The following CPNE2 variants were observed in gnomAD, a reference collection of about 807,000 sequenced individuals.
CPNE2 encodes the protein copine 2.
A neutral mutation model predicts 69.7 loss-of-function variants in CPNE2; 42 were observed. The ratio of observed to expected loss-of-function variants is 0.60; its 90% CI spans 0.47 to 0.78. CPNE2 has a LOEUF of 0.78. CPNE2 is among the 30% of genes least tolerant of loss of function. The pLI, the probability that CPNE2 is intolerant of heterozygous loss-of-function variation, is 0.00. For missense variants in CPNE2, 587 were observed against 732.0 expected (o/e 0.80, Z 2.29); for synonymous variants, 294 against 289.8 (o/e 1.01, Z -0.15).
At chr16:57,106,400 G>A (rs754407119) in intron 1 of CPNE2, among the ~76,000 whole-genome samples, 45 of 152,332 alleles carry the variant, frequency 3.0e-4, no homozygotes, top group Non-Finnish European at 5.3e-4. Flanking sequence ...AGTAACCAAG[G>A]CAAGATAATG....
intron 10 of CPNE2, chr16:57,123,712 G>T: frequency 3.7e-6 from 2 of 546,518 alleles, no homozygotes; most frequent in South Asian, 5.1e-5. Flanking sequence ...TTTCAGTCTG[G>T]TGGCTACACT....
At chr16:57,137,414 T>C (rs2069890838) in intron 14 of CPNE2, 132 bp downstream of exon 14, 2 of 1,207,118 alleles carry the variant, frequency 1.7e-6, no homozygotes, top group African/African-American at 3.0e-5. Flanking sequence ...CCTTCACGTA[T>C]TGTAAAAGTT....
intron 1 of CPNE2, 81 bp from the exon 2 acceptor site, chr16:57,110,627 G>A (rs1410675918): frequency 8.8e-6 from 8 of 909,588 alleles, no homozygotes; most frequent in African/African-American, 5.2e-5. Context: ...CCTCTTAAAG[G>A]CCAGGTGGTA....
chr16:57,124,793 A>T (rs1372888109), intron 10 of CPNE2: 1 of 216,660 alleles, frequency 4.6e-6, no homozygotes, highest in African/African-American at 2.3e-5. Flanking sequence ...ACAGGATGCC[A>T]TGGAGTCAGA....
At chr16:57,128,030 A>T in intron 12 of CPNE2, 127 bp downstream of exon 12, 1 of 888,680 alleles carries the variant, frequency 1.1e-6, no homozygotes, top group Non-Finnish European at 1.8e-6. Context: ...TGTTCACCCC[A>T]GGCCACGCTC....
intron 9 of CPNE2, among the ~76,000 whole-genome samples, chr16:57,122,560 T>G (rs1472511458): frequency 1.3e-5 from 2 of 152,234 alleles, no homozygotes; most frequent in African/African-American, 4.8e-5. Context: ...CTTACTTATT[T>G]TTTTGAATCA....
Position 57,119,618 on chromosome 16 carries a change from C to T in CPNE2, c.649C>T (p.Leu217=). ...GCCATTCACAGTGCCCTTGGTGTCCCTGTGTGATGGGGACATGGAGAAGCC... is the reference window on the plus strand; with the variant it reads ...GCCATTCACAGTGCCCTTGGTGTCCTTGTGTGATGGGGACATGGAGAAGCC... ...WKPFTVPLVS[L]CDGDMEKPIQ... Residue 217 remains leucine (L), a synonymous_variant, in exon 7 of 16, where the codon CTG becomes TTG. Transcript: ENST00000290776. 6.2e-7 allele frequency: 1 copy of T among 1,612,748 alleles called. No homozygotes were observed. Among genetic ancestry groups the T allele is most frequent in the South Asian group, 1.1e-5 (1 of 90,744 alleles).
intron 1 of CPNE2, among the ~76,000 whole-genome samples, chr16:57,097,293 G>T (rs1200721389): frequency 6.6e-6 from 1 of 152,076 alleles, no homozygotes; most frequent in Admixed American, 6.6e-5. Flanking sequence ...GAACTCCTAT[G>T]CCCAGAGCCT....
chr16:57,134,791 C>T lies in CPNE2; in HGVS notation c.1133C>T (p.Ala378Val), dbSNP rs868305291. The T allele has an allele frequency of 3.7e-6, 6 of 1,613,924 alleles. No individual in the cohort carries two copies. The highest frequency in any genetic ancestry group is 5.1e-6 in the Non-Finnish European group (6 of 1,179,924). ...GCGTTTCAGGTCTCCCATGAGTTTGCCATCAACTTCAACCCCACCAACCCC... is the reference window on the plus strand; with the variant it reads ...GCGTTTCAGGTCTCCCATGAGTTTGTCATCAACTTCAACCCCACCAACCCC... ...PPDWKVSHEF[A>V]INFNPTNPFC... is the part of the protein sequence containing the mutation. The change falls in exon 13 of 16, where the codon GCC (alanine) becomes GTC (valine). Residue 378 changes from alanine (A) to valine (V), a missense_variant. This residue lies in a region of CPNE2 where 185 missense variants were observed against 252.3 expected (regional missense o/e 0.73). Coordinates refer to ENST00000290776, the MANE Select transcript of CPNE2 (RefSeq NM_152727.6).
At chr16:57,125,092 C>G (rs1433167739) in intron 10 of CPNE2, 1 of 329,438 alleles carries the variant, frequency 3.0e-6, no homozygotes, top group Non-Finnish European at 6.1e-6. Context: ...AAATCTTCCC[C>G]GGGGTCCTAC....
At chr16:57,128,506 CCTGAGCCA>C (rs1471733717) in intron 12 of CPNE2, among the ~76,000 whole-genome samples, 2 of 152,174 alleles carry the variant, frequency 1.3e-5, no homozygotes, top group African/African-American at 4.8e-5. Flanking sequence ...GGATTACAGG[CCTGAGCCA>C]CTGTGACCAG....
At chr16:57,133,707 G>A (rs1010704749) in intron 12 of CPNE2, among the ~76,000 whole-genome samples, 6 of 152,156 alleles carry the variant, frequency 3.9e-5, no homozygotes, top group African/African-American at 9.7e-5. Flanking sequence ...GGAGGTTAGC[G>A]TGAGCTCTGG....
intron 9 of CPNE2, among the ~76,000 whole-genome samples, chr16:57,122,438 A>C (rs2069769784): frequency 6.6e-6 from 1 of 152,220 alleles, no homozygotes. Flanking sequence ...GTGTCACGAC[A>C]AAAAAGCACT....
intron 12 of CPNE2, among the ~76,000 whole-genome samples, chr16:57,132,696 A>T (rs903332561): frequency 6.6e-6 from 1 of 152,132 alleles, no homozygotes; most frequent in Non-Finnish European, 1.5e-5. Context: ...GACTTTTCTC[A>T]GGCAAACCAG....
chr16:57,104,686 A>G (rs1567665241), intron 1 of CPNE2, among the ~76,000 whole-genome samples: 3 of 152,226 alleles, frequency 2.0e-5, no homozygotes, highest in Non-Finnish European at 4.4e-5. Flanking sequence ...ATAGACAGAT[A>G]TGTAAAACGA....
chr16:57,116,044 C>T (rs1373848535), intron 4 of CPNE2, among the ~76,000 whole-genome samples: 1 of 152,198 alleles, frequency 6.6e-6, no homozygotes, highest in Non-Finnish European at 1.5e-5. Flanking sequence ...CCCTGGTTGT[C>T]TGGCTGGCTT....
At chr16:57,101,253 G>T (rs1156537920) in intron 1 of CPNE2, among the ~76,000 whole-genome samples, 1 of 152,180 alleles carries the variant, frequency 6.6e-6, no homozygotes, top group African/African-American at 2.4e-5. Flanking sequence ...TTCTCTCTCT[G>T]CATAGATAGA....
intron 13 of CPNE2, among the ~76,000 whole-genome samples, chr16:57,136,827 T>C (rs1261805417): frequency 6.6e-6 from 1 of 152,168 alleles, no homozygotes; most frequent in Non-Finnish European, 1.5e-5. Flanking sequence ...GGCAGGAGAA[T>C]TGCTTGAACC....
chr16:57,112,528 G>C (rs1364083091), intron 2 of CPNE2, among the ~76,000 whole-genome samples: 1 of 152,166 alleles, frequency 6.6e-6, no homozygotes, highest in East Asian at 1.9e-4. Flanking sequence ...AATGGACTGG[G>C]TGGGAGGAAA....
Sources: allele counts gnomAD v4.1 joint callset (sites outside exome capture counted in the v4.1 genomes callset), GRCh38; gene constraint gnomAD v4.1.1; regional missense constraint gnomAD v4.1.1; transcripts MANE v1.5; gene names NCBI Gene and HGNC (gene_info 2026-07-23, HGNC 2026-07-21).